Variants in DDX55 observed in about 807,000 individuals in gnomAD.
The protein encoded by DDX55 is ATP-dependent RNA helicase DDX55.
A neutral mutation model predicts 69.2 loss-of-function variants in DDX55; 56 were observed. The observed-to-expected ratio is 0.81, with a 90% CI of 0.65 to 1.01. The LOEUF is 1.01. Among genes scored for constraint, DDX55 ranks in the 50% least tolerant of loss-of-function variants. The pLI, the probability that DDX55 is intolerant of heterozygous loss-of-function variation, is 0.00. For missense variants in DDX55, 720 were observed against 745.1 expected (o/e 0.97, Z 0.39); for synonymous variants, 268 against 273.1 (o/e 0.98, Z 0.18).
Position 123,617,888 on chromosome 12 carries a change from TTTTCA to T in DDX55, c.1164+17_1164+21del, listed in dbSNP as rs779630604. ...TAACCAAAAAGTAAGCTGCCGTCCG[TTTTCA>T]GATAGAATGCCTAGTGACGGGGTAG... On this transcript the variant is annotated intron_variant, in intron 11 of 13. Transcript: ENST00000238146. 27 of 853,820 alleles carry T rather than the reference TTTTCA, an allele frequency of 3.2e-5. No homozygotes were observed. In the South Asian group the frequency reaches 4.3e-4, roughly 14 times the overall value. 52.9% of individuals were successfully genotyped at this position (853,820 alleles called of 1,614,324 possible).
Position 123,620,281 on chromosome 12 carries a change from G to A in DDX55, c.*141G>A. The A allele has an allele frequency of 1.3e-6, 1 of 799,956 alleles. No individual in the cohort carries two copies. The highest frequency in any genetic ancestry group is 1.9e-6 in the Non-Finnish European group (1 of 528,208). 49.6% of individuals were successfully genotyped at this position (799,956 alleles called of 1,614,324 possible). On this transcript the variant is annotated 3_prime_UTR_variant, in exon 14 of 14. Transcript: ENST00000238146. ...CTCTGAAAGCTGTCCTTTCAGATGA[G>A]GGAGAAATGAAGGATTTCACACTTC...
chr12:123,610,605 C>CTTTTTTTTTTTTTTTTTTTT (rs35576014), intron 7 of DDX55, among the ~76,000 whole-genome samples: 1 of 90,058 alleles, frequency 1.1e-5, no homozygotes, highest in Non-Finnish European at 2.2e-5. Flanking sequence ...TGCTGAGTTT[C>CTTTTTTTTTTTTTTTTTTTT]TTTTTTTTTT....
intron 11 of DDX55, 130 bp from the exon 12 acceptor site, chr12:123,618,539 G>T: frequency 6.5e-7 from 1 of 1,536,436 alleles, no homozygotes. Flanking sequence ...ATTTGGGTTG[G>T]AGTTGGGCTT....
Position 123,620,000 on chromosome 12 carries a change from C to G in DDX55, c.1663C>G (p.Leu555Val). Residue 555 changes from leucine to valine, a missense_variant, in exon 14 of 14, where the codon CTT (leucine) becomes GTT (valine). Transcript: ENST00000238146. Reference sequence around the variant, plus strand: ...TGAAGATGAGGACATGGAAGAACTTCTTAATGACACAAGACTCTTGAAAAA... The same window carrying G: ...TGAAGATGAGGACATGGAAGAACTTGTTAATGACACAAGACTCTTGAAAAA... ...DIEDEDMEEL[L>V]NDTRLLKKLK... The G allele has an allele frequency of 4.3e-6, 7 of 1,613,984 alleles. No homozygotes were observed. The highest frequency in any genetic ancestry group is 5.9e-6 in the Non-Finnish European group (7 of 1,179,952).
In DDX55 at chr12:123,613,149, G is replaced by A. The variant is rs1408305003; in HGVS notation, c.742-21G>A. On this transcript the variant is annotated intron_variant, in intron 7 of 13. Transcript: ENST00000238146. ...TTATTGCCAAATATGTTTTTTATTA[G>A]TTTCCCTTTTTATTTTGCAGGTATG... The A allele has an allele frequency of 3.1e-6, 5 of 1,612,362 alleles. No homozygotes were observed. The African/African-American group carries it at 6.7e-5, about 22-fold the overall frequency.
rs778444738 is a variant in DDX55, at chr12:123,607,502, C to T, written c.317C>T (p.Thr106Met). 1.4e-5 allele frequency: 22 copies of T among 1,614,052 alleles called. No individual in the cohort carries two copies. The highest frequency in any genetic ancestry group is 2.2e-5 in the South Asian group (2 of 91,088). ...ATAGACGAGGTCCTGTCGCATTTCA[C>T]GAAGCACTTCCCCGAGTTCAGGTGA... ...IQIDEVLSHF[T>M]KHFPEFSQIL... is the part of the protein sequence containing the mutation. The change falls in exon 4 of 14, where the codon ACG (threonine) becomes ATG (methionine). Residue 106 changes from threonine (T) to methionine (M), a missense_variant. Transcript: ENST00000238146.
chr12:123,616,655 A>G (rs1330723327), intron 10 of DDX55, 52 bp downstream of exon 10: 2 of 1,540,378 alleles, frequency 1.3e-6, no homozygotes. Flanking sequence ...AGCCTAATAA[A>G]GGAGGAATCC....
Position 123,615,766 on chromosome 12 carries a change from C to T in DDX55, c.956+450C>T, listed in dbSNP as rs11057308. On this transcript the variant is annotated intron_variant, in intron 9 of 13. Transcript: ENST00000238146. ...TTGGGAGGCCGAGGCGGGTGGATCACGAGGTCAGGAGATCAAGACCATCCT... is the reference window on the plus strand; with the variant it reads ...TTGGGAGGCCGAGGCGGGTGGATCATGAGGTCAGGAGATCAAGACCATCCT... 1.7e-4 allele frequency among the ~76,000 whole-genome samples: 26 copies of T among 152,222 alleles called. No individual in the cohort carries two copies. The East Asian group carries it at 1.7e-3, about 10-fold the overall frequency.
In DDX55 at chr12:123,602,105, G is replaced by A. The variant is rs1395107617; in HGVS notation, c.-44G>A. 4 of 1,504,236 alleles carry A rather than the reference G, an allele frequency of 2.7e-6. No homozygotes were observed. Among genetic ancestry groups the A allele is most frequent in the African/African-American group, 2.8e-5 (2 of 71,714 alleles). 93.2% of individuals were successfully genotyped at this position (1,504,236 alleles called of 1,614,324 possible). ...GGAAGTGCTCGTTGGGGGTGCACAA[G>A]GCGCGTTCGAGCAGCGGCGACCGAC... On this transcript the variant is annotated 5_prime_UTR_variant, in exon 1 of 14. Transcript: ENST00000238146.
chr12:123,602,126 C>A lies in DDX55; in HGVS notation c.-23C>A. 1.3e-6 allele frequency: 2 copies of A among 1,536,796 alleles called. No individual in the cohort carries two copies. The highest frequency in any genetic ancestry group is 1.2e-5 in the South Asian group (1 of 83,692). ...ACAAGGCGCGTTCGAGCAGCGGCGA[C>A]CGACGCGGCGAAGGAGCGCGCCATG... On this transcript the variant is annotated 5_prime_UTR_variant, in exon 1 of 14. Coordinates refer to ENST00000238146, the MANE Select transcript of DDX55 (RefSeq NM_020936.3).
chr12:123,610,058 C>T lies in DDX55; in HGVS notation c.671C>T (p.Ser224Leu). The T allele has an allele frequency of 6.2e-7, 1 of 1,614,158 alleles. No individual in the cohort carries two copies. The highest frequency in any genetic ancestry group is 1.1e-5 in the South Asian group (1 of 91,076). The change falls in exon 7 of 14, where the codon TCA (serine) becomes TTA (leucine). Residue 224 changes from serine to leucine, a missense_variant. Coordinates refer to ENST00000238146, the MANE Select transcript of DDX55 (RefSeq NM_020936.3). ...RAGLRNPVRV[S>L]VKEKGVAASS... ...GGCCTCCGGAACCCTGTCCGGGTCT[C>T]AGTGAAGGAGAAGGGCGTGGCAGCC...
Position 123,608,692 on chromosome 12 carries a change from T to C in DDX55, c.414T>C (p.Ile138=). 6.2e-7 allele frequency: 1 copy of C among 1,613,690 alleles called. No individual in the cohort carries two copies. The highest frequency in any genetic ancestry group is 1.3e-5 in the African/African-American group (1 of 75,044). ...ERFKQQGGNI[I]VATPGRLEDM... ...TTTCTTTCCAAAGTGGGAACATCAT[T>C]GTGGCCACTCCAGGCCGCTTGGAGG... The change falls in exon 6 of 14, where the codon ATT becomes ATC. Residue 138 remains isoleucine (I), a synonymous_variant. Transcript: ENST00000238146.
At chr12:123,607,873 G>C in intron 5 of DDX55, 1 of 630,890 alleles carries the variant, frequency 1.6e-6, no homozygotes, top group Non-Finnish European at 2.7e-6. Flanking sequence ...GGTTCTTACA[G>C]AGGTCAAGAG....
chr12:123,610,228 A>G, intron 7 of DDX55, 100 bp downstream of exon 7: 1 of 1,417,604 alleles, frequency 7.1e-7, no homozygotes, highest in Non-Finnish European at 9.4e-7. Context: ...TGTAGCACCT[A>G]TGAAATGCAT....
chr12:123,603,992 G>T (rs1175440837), intron 1 of DDX55, among the ~76,000 whole-genome samples: 1 of 151,752 alleles, frequency 6.6e-6, no homozygotes, highest in Non-Finnish European at 1.5e-5. Flanking sequence ...TAGTAGAGAC[G>T]GGATTTCGCC....
intron 8 of DDX55, 109 bp downstream of exon 8, chr12:123,613,361 CT>C: frequency 1.8e-6 from 2 of 1,088,376 alleles, no homozygotes; most frequent in Admixed American, 2.5e-5. Context: ...CTCCGGAATG[CT>C]TTTGGCTGCA....
intron 7 of DDX55, among the ~76,000 whole-genome samples, chr12:123,611,315 C>G (rs1334660269): frequency 6.6e-6 from 1 of 152,242 alleles, no homozygotes; most frequent in Non-Finnish European, 1.5e-5. Flanking sequence ...ACTCCTCACC[C>G]CTGTTCTGTT....
At chr12:123,618,858 T>G (rs745515082) in intron 12 of DDX55, 21 bp downstream of exon 12, 2 of 1,611,558 alleles carry the variant, frequency 1.2e-6, no homozygotes, top group African/African-American at 2.7e-5. Context: ...CTTCTTCATG[T>G]GATAATGTCT....
rs1359591143 is a variant in DDX55, at chr12:123,620,607, T to TAC, written c.*468_*469insCA. 1.3e-5 allele frequency: 1 copy of TAC among 75,948 alleles called. No individual in the cohort carries two copies. Among genetic ancestry groups the TAC allele is most frequent in the East Asian group, 2.8e-4 (1 of 3,538 alleles). The allele number at this position is 75,948 out of a possible 1,614,324, so 4.7% of individuals were successfully genotyped here. On this transcript the variant is annotated 3_prime_UTR_variant, in exon 14 of 14. Transcript: ENST00000238146. ...ATATATATATATATATATATATATA[T>TAC]ATATATATATATATATATATAAGCT...
Sources: allele counts gnomAD v4.1 joint callset (sites outside exome capture counted in the v4.1 genomes callset), GRCh38; gene constraint gnomAD v4.1.1; transcripts MANE v1.5; gene names NCBI Gene and HGNC (gene_info 2026-07-23, HGNC 2026-07-21).